The following KAZN variants were observed in gnomAD, a reference collection of about 807,000 sequenced individuals.
KAZN encodes the protein kazrin, periplakin interacting protein, also known as kazrin.
Under a neutral mutation model 87.4 loss-of-function variants are expected in KAZN, and 40 were observed. The observed-to-expected ratio is 0.46, with a 90% CI of 0.36 to 0.60. The LOEUF is 0.60. KAZN is among the 20% of genes least tolerant of loss of function. KAZN has a pLI of 0.00. For synonymous variants in KAZN, 466 were observed against 458.3 expected (o/e 1.02, Z -0.22); for missense variants, 898 against 1,073.9 (o/e 0.84, Z 2.29).
At chr1:14,737,581 C>T (rs934255740) in intron 1 of KAZN, among the ~76,000 whole-genome samples, 50 of 152,332 alleles carry the variant, frequency 3.3e-4, no homozygotes, top group African/African-American at 1.2e-3. Flanking sequence ...TATTACCTCG[C>T]AGCTTCTGGA....
chr1:14,841,337 C>T (rs1246810844), intron 1 of KAZN, among the ~76,000 whole-genome samples: 16 of 137,156 alleles, frequency 1.2e-4, no homozygotes, highest in Admixed American at 1.0e-3. Context: ...ACCCGGGAGG[C>T]GGAGCTTGCA....
At chr1:14,453,831 G>C (rs1294789961) in intron 2 of KAZN, among the ~76,000 whole-genome samples, 1 of 151,748 alleles carries the variant, frequency 6.6e-6, no homozygotes, top group East Asian at 1.9e-4. Context: ...GCAAGACTCT[G>C]TCTCAAAAGA....
intron 1 of KAZN, among the ~76,000 whole-genome samples, chr1:13,907,662 C>G (rs578018907): frequency 6.6e-6 from 1 of 152,302 alleles, no homozygotes; most frequent in Admixed American, 6.5e-5. Flanking sequence ...TCCAATAGCC[C>G]TTCCACAAAC....
chr1:14,206,297 G>A (rs1284561565), intron 2 of KAZN, among the ~76,000 whole-genome samples: 1 of 152,096 alleles, frequency 6.6e-6, no homozygotes, highest in Admixed American at 6.5e-5. Context: ...ATAGATGCAT[G>A]CAGAACAGAA....
intron 2 of KAZN, among the ~76,000 whole-genome samples, chr1:14,511,764 A>G (rs1222835367): frequency 6.6e-6 from 1 of 152,228 alleles, no homozygotes; most frequent in African/African-American, 2.4e-5. Context: ...ATGATCCACA[A>G]AGTCAGATCT....
chr1:15,091,508 G>T (rs79823808), intron 8 of KAZN, among the ~76,000 whole-genome samples: 2 of 151,992 alleles, frequency 1.3e-5, no homozygotes, highest in African/African-American at 4.8e-5. Flanking sequence ...CCACGCCCAC[G>T]CCGGGATAAT....
chr1:14,541,950 A>G (rs1571895501), intron 2 of KAZN, among the ~76,000 whole-genome samples: 1 of 152,176 alleles, frequency 6.6e-6, no homozygotes, highest in Non-Finnish European at 1.5e-5. Context: ...ATCGGACTTC[A>G]GGGCAGAGGC....
At chr1:14,454,187 C>A (rs891029394) in intron 2 of KAZN, among the ~76,000 whole-genome samples, 3 of 152,098 alleles carry the variant, frequency 2.0e-5, no homozygotes, top group Admixed American at 1.3e-4. Context: ...TTCTCCAAGG[C>A]ATGGAAAGAG....
At chr1:14,824,726 AC>A (rs1266578340) in intron 1 of KAZN, among the ~76,000 whole-genome samples, 1 of 152,030 alleles carries the variant, frequency 6.6e-6, no homozygotes, top group Non-Finnish European at 1.5e-5. Flanking sequence ...CATGACAGTC[AC>A]CCCCTTGAGC....
chr1:14,852,297 A>G (rs1345045630), intron 1 of KAZN, among the ~76,000 whole-genome samples: 2 of 152,178 alleles, frequency 1.3e-5, no homozygotes, highest in Non-Finnish European at 2.9e-5. Context: ...GCCCTGAGAG[A>G]TGGGCTGAGG....
At chr1:14,342,626 G>A (rs1436747931) in intron 2 of KAZN, among the ~76,000 whole-genome samples, 10 of 152,114 alleles carry the variant, frequency 6.6e-5, no homozygotes, top group African/African-American at 2.4e-4. Flanking sequence ...CACAGAAAGG[G>A]CCCAAAAAAT....
At chr1:14,398,978 C>A (rs1034164777) in intron 2 of KAZN, among the ~76,000 whole-genome samples, 2 of 152,144 alleles carry the variant, frequency 1.3e-5, no homozygotes, top group Non-Finnish European at 2.9e-5. Context: ...CCCATTCCCC[C>A]CTCCACTCAT....
At chr1:13,903,547 G>A (rs904400774) in intron 1 of KAZN, among the ~76,000 whole-genome samples, 12 of 152,176 alleles carry the variant, frequency 7.9e-5, no homozygotes, top group African/African-American at 2.2e-4. Flanking sequence ...TCATGATGGC[G>A]GCTGAGTGGC....
intron 1 of KAZN, among the ~76,000 whole-genome samples, chr1:14,829,661 G>A (rs950307563): frequency 3.3e-5 from 5 of 152,212 alleles, no homozygotes; most frequent in Non-Finnish European, 5.9e-5. Context: ...TGTGAGAGGG[G>A]CAGACTGGAG....
At chr1:14,830,155 C>T (rs1024409450) in intron 1 of KAZN, among the ~76,000 whole-genome samples, 17 of 152,160 alleles carry the variant, frequency 1.1e-4, no homozygotes, top group African/African-American at 3.9e-4. Flanking sequence ...GGGCTCAAGT[C>T]GTGTCATCAT....
chr1:14,262,647 T>C (rs1362832098), intron 2 of KAZN, among the ~76,000 whole-genome samples: 4 of 152,224 alleles, frequency 2.6e-5, no homozygotes, highest in African/African-American at 9.6e-5. Context: ...AAAACCACTT[T>C]AAATCTCTGT....
chr1:14,986,244 AAC>A (rs1222267404), intron 2 of KAZN, among the ~76,000 whole-genome samples: 1 of 152,002 alleles, frequency 6.6e-6, no homozygotes, highest in East Asian at 1.9e-4. Context: ...ACAGTAATAA[AAC>A]ACATCACTAG....
intron 1 of KAZN, among the ~76,000 whole-genome samples, chr1:14,881,020 A>G (rs905484391): frequency 1.3e-5 from 2 of 152,262 alleles, no homozygotes; most frequent in Non-Finnish European, 2.9e-5. Flanking sequence ...ATGACAGTCC[A>G]GCATGCCTTG....
chr1:13,983,255 G>A (rs978444558), intron 1 of KAZN, among the ~76,000 whole-genome samples: 2 of 152,248 alleles, frequency 1.3e-5, no homozygotes, highest in Non-Finnish European at 2.9e-5. Flanking sequence ...AGGAGCCCAC[G>A]GAGGGGTTGG....
Sources: gnomAD v4.1 joint callset for allele counts (sites outside exome capture counted in the v4.1 genomes callset) on GRCh38, gnomAD v4.1.1 for gene constraint, MANE v1.5 for transcripts, NCBI Gene and HGNC (gene_info 2026-07-23, HGNC 2026-07-21) for gene names.